The following SMG6 variants were observed in gnomAD, a reference collection of about 807,000 sequenced individuals.
SMG6 encodes the protein SMG6 nonsense mediated mRNA decay factor.
Under a neutral mutation model 142.2 loss-of-function variants are expected in SMG6, and 66 were observed. That is an observed-to-expected ratio of 0.46 (90% CI 0.38 to 0.57). The LOEUF is 0.57. SMG6 is among the 20% of genes least tolerant of loss of function. The probability of loss-of-function intolerance (pLI) is 0.00; values close to 1 mark genes in which losing one functional copy is unlikely to be tolerated. For synonymous variants in SMG6, 779 were observed against 702.4 expected (o/e 1.11, Z -1.72); for missense variants, 1,793 against 1,832.0 (o/e 0.98, Z 0.39).
intron 13 of SMG6, chr17:2,087,807 C>A: frequency 2.0e-6 from 2 of 985,878 alleles, no homozygotes; most frequent in Non-Finnish European, 2.4e-6. Flanking sequence ...CATCTCCAGC[C>A]TCTCACTTGC....
At chr17:2,249,128 T>A (rs143109848) in intron 8 of SMG6, among the ~76,000 whole-genome samples, 2,411 of 151,844 alleles carry the variant, frequency 0.016, 85 homozygotes, top group African/African-American at 0.056. Context: ...CTCCTGACCT[T>A]GTGATCCGCC....
intron 13 of SMG6, among the ~76,000 whole-genome samples, chr17:2,119,096 C>T (rs150955544): frequency 1.4e-5 from 2 of 145,676 alleles, no homozygotes; most frequent in Admixed American, 6.9e-5. Context: ...CTTGCTCTGT[C>T]GCCCAGGCTG....
intron 10 of SMG6, among the ~76,000 whole-genome samples, chr17:2,210,769 T>A (rs59428454): frequency 0.33 from 43,300 of 130,068 alleles, 7,465 homozygotes; most frequent in South Asian, 0.35. Context: ...TAAAAAAAAA[T>A]AAAATAAAAA....
rs201819128 is a variant in SMG6 at position 2,282,782 on chromosome 17, A to G, written c.2526T>C (p.Thr842=). The change falls in exon 8 of 19, where the codon ACT becomes ACC. Residue 842 remains threonine, a synonymous_variant. Coordinates refer to ENST00000263073, the MANE Select transcript of SMG6 (RefSeq NM_017575.5). Reference sequence around the variant, plus strand: ...TGGTGTCATCTCCAACATGCCGGAAAGTAGACTTCTTTCCTTTCCGCCACT... The same window carrying G: ...TGGTGTCATCTCCAACATGCCGGAAGGTAGACTTCTTTCCTTTCCGCCACT... ...PDQWRKGKKS[T]FRHVGDDTTR... 29 of 1,614,226 alleles carry G rather than the reference A, an allele frequency of 1.8e-5. No individual in the cohort carries two copies. Among genetic ancestry groups the G allele is most frequent in the Admixed American group, 3.3e-5 (2 of 60,026 alleles).
chr17:2,082,645 C>T (rs1351863761), intron 14 of SMG6, among the ~76,000 whole-genome samples: 3 of 152,184 alleles, frequency 2.0e-5, no homozygotes, highest in African/African-American at 4.8e-5. Flanking sequence ...GGCACATTCC[C>T]CAAGGATGGC....
intron 6 of SMG6, among the ~76,000 whole-genome samples, chr17:2,289,771 G>C (rs1304483686): frequency 1.3e-5 from 2 of 151,734 alleles, no homozygotes; most frequent in African/African-American, 4.8e-5. Context: ...AAATTAGCAG[G>C]GGCTGGTGGT....
intron 8 of SMG6, among the ~76,000 whole-genome samples, chr17:2,279,626 A>C (rs770728242): frequency 2.0e-5 from 3 of 152,200 alleles, no homozygotes; most frequent in Non-Finnish European, 4.4e-5. Flanking sequence ...GCAATGAGAA[A>C]GGAGAGAAGT....
intron 15 of SMG6, among the ~76,000 whole-genome samples, chr17:2,070,089 C>A (rs2068058958): frequency 6.6e-6 from 1 of 152,208 alleles, no homozygotes; most frequent in African/African-American, 2.4e-5. Flanking sequence ...GCACCTCTCA[C>A]CAAGCACGTG....
chr17:2,270,459 T>C (rs1003113698), intron 8 of SMG6, among the ~76,000 whole-genome samples: 6 of 151,454 alleles, frequency 4.0e-5, no homozygotes, highest in African/African-American at 4.9e-5. Flanking sequence ...ATAAAAAACA[T>C]TGGCCAGGCA....
chr17:2,282,997 C>G, intron 7 of SMG6, 138 bp from the exon 8 acceptor site: 1 of 724,912 alleles, frequency 1.4e-6, no homozygotes, highest in South Asian at 1.8e-5. Context: ...ATAGTGAAAC[C>G]CTGTCTCTAC....
At chr17:2,285,362 G>A (rs149849771) in intron 6 of SMG6, among the ~76,000 whole-genome samples, 295 of 152,244 alleles carry the variant, frequency 1.9e-3, no homozygotes, top group Non-Finnish European at 3.5e-3. Context: ...AAGAGGGATA[G>A]AGGAAAAGAA....
chr17:2,121,627 GT>G (rs2069700883), intron 13 of SMG6, among the ~76,000 whole-genome samples: 8 of 91,132 alleles, frequency 8.8e-5, no homozygotes, highest in Admixed American at 2.1e-4. Context: ...GTGTGTGTGT[GT>G]GTGTGTGTGT....
At chr17:2,266,714 G>C (rs1275645541) in intron 8 of SMG6, among the ~76,000 whole-genome samples, 1 of 152,132 alleles carries the variant, frequency 6.6e-6, no homozygotes, top group African/African-American at 2.4e-5. Context: ...TAAAAATAAA[G>C]CCCTGAAGTG....
chr17:2,298,494 C>T (rs1441228771), intron 2 of SMG6, among the ~76,000 whole-genome samples: 1 of 151,954 alleles, frequency 6.6e-6, no homozygotes, highest in Non-Finnish European at 1.5e-5. Flanking sequence ...CCGAGGCAGG[C>T]GGATCACGAG....
In SMG6 at chr17:2,061,274, C is replaced by T; in HGVS notation, c.*218G>A. 2.1e-6 allele frequency: 1 copy of T among 486,116 alleles called. No individual in the cohort carries two copies. The highest frequency in any genetic ancestry group is 2.6e-5 in the South Asian group (1 of 38,848). The allele number at this position is 486,116 out of a possible 1,614,324, so 30.1% of individuals were successfully genotyped here. A position where few individuals can be genotyped will look rare whatever the true frequency, so the allele number is the denominator to read the frequency against. On this transcript the variant is annotated 3_prime_UTR_variant, in exon 19 of 19. Transcript: ENST00000263073. Reference sequence around the variant, plus strand: ...CAGCCACCTCCCTGCTAAATCCTGGCAGCCCAGGAGGGTCCCAGCAGCTTC... The same window carrying T: ...CAGCCACCTCCCTGCTAAATCCTGGTAGCCCAGGAGGGTCCCAGCAGCTTC...
intron 16 of SMG6, among the ~76,000 whole-genome samples, chr17:2,067,436 C>T (rs1380543466): frequency 1.3e-5 from 2 of 152,168 alleles, no homozygotes; most frequent in Admixed American, 6.5e-5. Context: ...CTTTCCTGAC[C>T]ATCTAGCAAA....
intron 10 of SMG6, among the ~76,000 whole-genome samples, chr17:2,231,569 C>T (rs1412302422): frequency 6.6e-6 from 1 of 152,068 alleles, no homozygotes; most frequent in Non-Finnish European, 1.5e-5. Context: ...TGGTGGTGGG[C>T]GCCTGTGACC....
intron 13 of SMG6, chr17:2,087,027 C>T: frequency 1.6e-6 from 2 of 1,290,226 alleles, no homozygotes; most frequent in Non-Finnish European, 2.0e-6. Flanking sequence ...GTGAAAGGAA[C>T]TTCACAGTAA....
chr17:2,272,708 G>A (rs900529488), intron 8 of SMG6, among the ~76,000 whole-genome samples: 8 of 152,140 alleles, frequency 5.3e-5, no homozygotes, highest in African/African-American at 1.9e-4. Context: ...GGAGGCCGAG[G>A]CAGGCGGATC....
Sources: gnomAD v4.1 joint callset for allele counts (sites outside exome capture counted in the v4.1 genomes callset) on GRCh38, gnomAD v4.1.1 for gene constraint, MANE v1.5 for transcripts, NCBI Gene and HGNC (gene_info 2026-07-23, HGNC 2026-07-21) for gene names.